KCND2: variants seen among roughly 807,000 people sequenced by gnomAD.
KCND2 encodes A-type voltage-gated potassium channel KCND2.
A neutral mutation model predicts 54.4 loss-of-function variants in KCND2; 16 were observed. That is an observed-to-expected ratio of 0.29 (90% CI 0.20 to 0.45). The LOEUF (loss-of-function observed/expected upper bound fraction) is 0.45, where lower values mean the gene tolerates loss of function less well. Ranked by LOEUF, KCND2 falls within the 20% of genes least tolerant of loss-of-function variation. The probability of loss-of-function intolerance (pLI) is 1.00; values close to 1 mark genes in which losing one functional copy is unlikely to be tolerated. For missense variants in KCND2, 486 were observed against 824.2 expected, an observed-to-expected ratio of 0.59 and a Z score of 5.02; for synonymous variants, 317 against 310.7, an observed-to-expected ratio of 1.02 and a Z score of -0.21.
chr7:120,523,761 A>G (rs1056043493), intron 1 of KCND2, among the ~76,000 whole-genome samples: 9 of 146,738 alleles, frequency 6.1e-5, no homozygotes, highest in African/African-American at 1.8e-4. Context: ...TCTTTGGCCT[A>G]TCAAGAATAA....
At chr7:120,645,189 T>TA (rs1793423950) in intron 1 of KCND2, among the ~76,000 whole-genome samples, 1 of 152,256 alleles carries the variant, frequency 6.6e-6, no homozygotes, top group East Asian at 1.9e-4. Context: ...CTCATTGCTA[T>TA]AAAAGCCTGC....
intron 1 of KCND2, among the ~76,000 whole-genome samples, chr7:120,554,924 A>C (rs1339625827): frequency 6.6e-6 from 1 of 152,028 alleles, no homozygotes; most frequent in Non-Finnish European, 1.5e-5. Flanking sequence ...CCCTTTCTTC[A>C]CTCCCATACT....
intron 1 of KCND2, among the ~76,000 whole-genome samples, chr7:120,695,610 A>G (rs900348029): frequency 3.9e-5 from 6 of 152,170 alleles, no homozygotes; most frequent in Non-Finnish European, 5.9e-5. Context: ...TAATGAAGAA[A>G]AGGAAGAAAT....
chr7:120,376,520 AAAT>A (rs57234416), intron 1 of KCND2, among the ~76,000 whole-genome samples: 4,364 of 149,788 alleles, frequency 0.029, 197 homozygotes, highest in African/African-American at 0.099. Context: ...TAGAAATATT[AAAT>A]AATCTATAAA....
intron 1 of KCND2, among the ~76,000 whole-genome samples, chr7:120,349,153 A>G (rs1424924439): frequency 6.6e-6 from 1 of 152,096 alleles, no homozygotes; most frequent in Non-Finnish European, 1.5e-5. Context: ...TAATTCTACA[A>G]AGAAATTAAC....
chr7:120,437,618 A>G (rs557167864), intron 1 of KCND2, among the ~76,000 whole-genome samples: 32 of 152,328 alleles, frequency 2.1e-4, no homozygotes, highest in African/African-American at 7.5e-4. Context: ...CCCCCTAGAG[A>G]TAAATGTTTA....
chr7:120,505,680 A>G (rs149120296), intron 1 of KCND2, among the ~76,000 whole-genome samples: 46 of 151,896 alleles, frequency 3.0e-4, no homozygotes, highest in African/African-American at 1.0e-3. Context: ...GGCCTTGCTA[A>G]ACCCAGAGAG....
At chr7:120,334,186 G>A (rs939139729) in intron 1 of KCND2, among the ~76,000 whole-genome samples, 1 of 152,146 alleles carries the variant, frequency 6.6e-6, no homozygotes, top group African/African-American at 2.4e-5. Context: ...TGAACATTAA[G>A]AGGAGTAAAA....
intron 1 of KCND2, among the ~76,000 whole-genome samples, chr7:120,483,332 A>T (rs1281100183): frequency 6.6e-6 from 1 of 152,210 alleles, no homozygotes; most frequent in African/African-American, 2.4e-5. Flanking sequence ...CAAGTTTGAG[A>T]TGCCAGAATG....
At chr7:120,361,244 C>G (rs1334682300) in intron 1 of KCND2, among the ~76,000 whole-genome samples, 2 of 152,022 alleles carry the variant, frequency 1.3e-5, no homozygotes, top group African/African-American at 4.8e-5. Flanking sequence ...AGTAAGTTCT[C>G]TTTAGCTTGT....
chr7:120,356,182 C>T (rs1426327121), intron 1 of KCND2, among the ~76,000 whole-genome samples: 1 of 151,724 alleles, frequency 6.6e-6, no homozygotes, highest in African/African-American at 2.4e-5. Context: ...TTATGCCAAC[C>T]CCATATGACT....
At chr7:120,502,799 A>G (rs947602202) in intron 1 of KCND2, among the ~76,000 whole-genome samples, 6 of 152,004 alleles carry the variant, frequency 3.9e-5, no homozygotes, top group African/African-American at 1.2e-4. Context: ...ACACACATAC[A>G]GGCTTTCCCA....
chr7:120,418,212 A>G (rs1801552168), intron 1 of KCND2, among the ~76,000 whole-genome samples: 1 of 152,120 alleles, frequency 6.6e-6, no homozygotes, highest in Non-Finnish European at 1.5e-5. Flanking sequence ...CTGGGCAAGC[A>G]TTTATCTAGA....
intron 1 of KCND2, among the ~76,000 whole-genome samples, chr7:120,459,460 A>G (rs1239321259): frequency 3.3e-5 from 5 of 152,082 alleles, no homozygotes; most frequent in Non-Finnish European, 5.9e-5. Context: ...GACATTTGCC[A>G]TCCCACTTCT....
chr7:120,337,605 T>G (rs534886146), intron 1 of KCND2, among the ~76,000 whole-genome samples: 1 of 152,280 alleles, frequency 6.6e-6, no homozygotes, highest in South Asian at 2.1e-4. Flanking sequence ...AAGTCATATA[T>G]CTGTAACTTT....
At chr7:120,594,202 T>A (rs1792705661) in intron 1 of KCND2, among the ~76,000 whole-genome samples, 1 of 152,196 alleles carries the variant, frequency 6.6e-6, no homozygotes, top group African/African-American at 2.4e-5. Flanking sequence ...AAGAGTAGAT[T>A]TCATGAAATC....
chr7:120,335,869 C>A (rs555566024), intron 1 of KCND2, among the ~76,000 whole-genome samples: 30 of 152,180 alleles, frequency 2.0e-4, no homozygotes, highest in Admixed American at 2.0e-3. Context: ...AAAACTTCAC[C>A]AAACTTTTTA....
chr7:120,511,545 A>G (rs1020762619), intron 1 of KCND2, among the ~76,000 whole-genome samples: 1 of 152,096 alleles, frequency 6.6e-6, no homozygotes, highest in Non-Finnish European at 1.5e-5. Context: ...AATTGTTTTT[A>G]TTCTTTGGTG....
chr7:120,438,367 C>T (rs745555088), intron 1 of KCND2, among the ~76,000 whole-genome samples: 9 of 152,076 alleles, frequency 5.9e-5, no homozygotes, highest in African/African-American at 9.7e-5. Context: ...GGTATAGCCT[C>T]CTGATAATAA....
Sources: allele counts gnomAD v4.1 joint callset (sites outside exome capture counted in the v4.1 genomes callset), GRCh38; gene constraint gnomAD v4.1.1; transcripts MANE v1.5; gene names NCBI Gene and HGNC (gene_info 2026-07-23, HGNC 2026-07-21).